Variants in ARHGAP18 observed in about 807,000 individuals in gnomAD.
ARHGAP18 encodes rho GTPase-activating protein 18.
ARHGAP18 carries 67 observed loss-of-function variants against 86.2 expected under a neutral mutation model. The observed-to-expected ratio is 0.78, with a 90% CI of 0.64 to 0.95. The LOEUF (loss-of-function observed/expected upper bound fraction) is 0.95. Among genes scored for constraint, ARHGAP18 ranks in the 40% least tolerant of loss-of-function variants. The probability of loss-of-function intolerance (pLI) is 0.00; values close to 1 mark genes in which losing one functional copy is unlikely to be tolerated. For synonymous variants in ARHGAP18, 283 were observed against 280.4 expected, an observed-to-expected ratio of 1.01 and a Z score of -0.09; for missense variants, 691 against 780.4, an observed-to-expected ratio of 0.89 and a Z score of 1.37.
chr6:129,700,287 A>T (rs1007038851), intron 1 of ARHGAP18, among the ~76,000 whole-genome samples: 1 of 151,674 alleles, frequency 6.6e-6, no homozygotes, highest in Non-Finnish European at 1.5e-5. Context: ...GAACAGGTGC[A>T]AATAACTTTT....
intron 1 of ARHGAP18, among the ~76,000 whole-genome samples, chr6:129,672,336 C>G (rs1351547841): frequency 2.0e-5 from 3 of 152,216 alleles, no homozygotes; most frequent in Non-Finnish European, 2.9e-5. Context: ...GCACAGCCTC[C>G]TCACTGTCTC....
chr6:129,587,169 G>C (rs538693632), intron 12 of ARHGAP18, among the ~76,000 whole-genome samples: 1 of 152,178 alleles, frequency 6.6e-6, no homozygotes, highest in East Asian at 1.9e-4. Flanking sequence ...GTATGCCAAG[G>C]GGTATTTCCT....
intron 1 of ARHGAP18, among the ~76,000 whole-genome samples, chr6:129,650,476 T>C (rs534567980): frequency 2.0e-5 from 3 of 152,302 alleles, no homozygotes; most frequent in African/African-American, 7.2e-5. Flanking sequence ...AGTGAGATCT[T>C]CTTTGTTCCT....
intron 1 of ARHGAP18, among the ~76,000 whole-genome samples, chr6:129,654,305 G>A (rs1773783048): frequency 6.6e-6 from 1 of 152,116 alleles, no homozygotes; most frequent in Non-Finnish European, 1.5e-5. Context: ...AGCACAATAT[G>A]GGCATACTGA....
chr6:129,667,493 G>A (rs897137482), intron 1 of ARHGAP18, among the ~76,000 whole-genome samples: 3 of 142,154 alleles, frequency 2.1e-5, no homozygotes, highest in East Asian at 2.0e-4. Context: ...GTGTGTGTGT[G>A]TGTGTGTGTG....
At chr6:129,645,036 T>C (rs1271563321) in intron 1 of ARHGAP18, among the ~76,000 whole-genome samples, 1 of 152,128 alleles carries the variant, frequency 6.6e-6, no homozygotes, top group Non-Finnish European at 1.5e-5. Flanking sequence ...CACTGGTAAA[T>C]ACTGCAAGAA....
chr6:129,656,016 T>C (rs1296028169), intron 1 of ARHGAP18, among the ~76,000 whole-genome samples: 1 of 152,256 alleles, frequency 6.6e-6, no homozygotes, highest in African/African-American at 2.4e-5. Context: ...ATTCAATGTT[T>C]TGATGGAGTG....
chr6:129,706,746 G>A (rs1197400801), intron 1 of ARHGAP18, among the ~76,000 whole-genome samples: 1 of 150,886 alleles, frequency 6.6e-6, no homozygotes, highest in Non-Finnish European at 1.5e-5. Flanking sequence ...AATTAGCCAG[G>A]GGTGGTGGCA....
At chr6:129,669,633 A>G (rs1462236818) in intron 1 of ARHGAP18, among the ~76,000 whole-genome samples, 8 of 151,848 alleles carry the variant, frequency 5.3e-5, no homozygotes, top group Non-Finnish European at 1.2e-4. Context: ...TAAAAATACA[A>G]AATTAGCTGG....
intron 12 of ARHGAP18, among the ~76,000 whole-genome samples, chr6:129,593,719 A>G (rs1788561864): frequency 6.6e-6 from 1 of 152,124 alleles, no homozygotes; most frequent in Non-Finnish European, 1.5e-5. Flanking sequence ...GAAAATGATT[A>G]TTATTAATGG....
chr6:129,610,854 T>C (rs1584044178), intron 8 of ARHGAP18, among the ~76,000 whole-genome samples: 1 of 152,074 alleles, frequency 6.6e-6, no homozygotes, highest in South Asian at 2.1e-4. Flanking sequence ...GTCTCAAACT[T>C]CTGACCTCGT....
intron 12 of ARHGAP18, among the ~76,000 whole-genome samples, chr6:129,594,703 A>G (rs1449681685): frequency 6.6e-6 from 1 of 152,150 alleles, no homozygotes; most frequent in African/African-American, 2.4e-5. Flanking sequence ...AAATTTGGCA[A>G]GTCATTCTAG....
chr6:129,614,322 T>C (rs924314350), intron 7 of ARHGAP18, among the ~76,000 whole-genome samples: 13 of 152,198 alleles, frequency 8.5e-5, no homozygotes, highest in Non-Finnish European at 1.8e-4. Context: ...AAAACTTTTT[T>C]TGTGATAGAT....
At chr6:129,693,881 T>C (rs1006791145) in intron 1 of ARHGAP18, among the ~76,000 whole-genome samples, 10 of 150,616 alleles carry the variant, frequency 6.6e-5, no homozygotes, top group Admixed American at 6.6e-4. Flanking sequence ...TTTTCTGTGA[T>C]GATACAATTT....
chr6:129,584,845 A>G (rs371476778), intron 12 of ARHGAP18, among the ~76,000 whole-genome samples: 1 of 152,214 alleles, frequency 6.6e-6, no homozygotes, highest in African/African-American at 2.4e-5. Flanking sequence ...AATAAACAGC[A>G]CGCACAAATC....
chr6:129,617,115 T>C (rs1204212482), intron 6 of ARHGAP18, among the ~76,000 whole-genome samples: 1 of 152,216 alleles, frequency 6.6e-6, no homozygotes, highest in Non-Finnish European at 1.5e-5. Flanking sequence ...TACTTGCTAC[T>C]CTTAAATTTA....
intron 1 of ARHGAP18, among the ~76,000 whole-genome samples, chr6:129,692,805 G>A (rs1005027010): frequency 1.3e-5 from 2 of 152,152 alleles, no homozygotes; most frequent in Admixed American, 1.3e-4. Flanking sequence ...GCCTAAAAAT[G>A]GAGAAGCTCC....
At chr6:129,604,099 AG>A (rs1318353797) in intron 10 of ARHGAP18, among the ~76,000 whole-genome samples, 1 of 152,196 alleles carries the variant, frequency 6.6e-6, no homozygotes, top group Non-Finnish European at 1.5e-5. Context: ...TTAAAGTTCT[AG>A]TTTGAAACCT....
intron 1 of ARHGAP18, among the ~76,000 whole-genome samples, chr6:129,679,693 G>A (rs908855841): frequency 1.3e-5 from 2 of 152,200 alleles, no homozygotes; most frequent in Non-Finnish European, 2.9e-5. Flanking sequence ...ATTAAGTTTG[G>A]TGGTAGGGTC....
Sources: gnomAD v4.1 joint callset for allele counts (sites outside exome capture counted in the v4.1 genomes callset) on GRCh38, gnomAD v4.1.1 for gene constraint, MANE v1.5 for transcripts, NCBI Gene and HGNC (gene_info 2026-07-23, HGNC 2026-07-21) for gene names.